Variants in PRIM2 observed in about 807,000 individuals in gnomAD.
PRIM2 encodes DNA primase subunit 2.
PRIM2 carries 39 observed loss-of-function variants against 67.3 expected under a neutral mutation model. That is an observed-to-expected ratio of 0.58 (90% CI 0.45 to 0.76). The LOEUF is 0.76. Among genes scored for constraint, PRIM2 ranks in the 30% least tolerant of loss-of-function variants. PRIM2 has a pLI of 0.00. For missense variants in PRIM2, 398 were observed against 598.7 expected (o/e 0.66, Z 3.50); for synonymous variants, 143 against 198.7 (o/e 0.72, Z 2.36).
At chr6:57,266,992 T>TA in the PRIM2 span, among the ~76,000 whole-genome samples, 10 of 152,376 alleles carry the variant, frequency 6.6e-5, no homozygotes, top group East Asian at 1.9e-3. Flanking sequence ...CTTTTACTGT[T>TA]AAAGATGTGA....
intron 7 of PRIM2, among the ~76,000 whole-genome samples, chr6:57,505,655 G>A (rs1774234827): frequency 6.6e-6 from 1 of 152,130 alleles, no homozygotes; most frequent in Non-Finnish European, 1.5e-5. Context: ...TAGGGAAGGG[G>A]CAAGAATGGC....
At chr6:57,350,777 C>T (rs1768834485) in intron 5 of PRIM2, among the ~76,000 whole-genome samples, 1 of 152,084 alleles carries the variant, frequency 6.6e-6, no homozygotes, top group African/African-American at 2.4e-5. Flanking sequence ...TTTTTCTAAC[C>T]ACAGTATAAC....
At chr6:57,497,677 A>G (rs2127412540) in intron 7 of PRIM2, 1 of 152,354 alleles carries the variant, frequency 6.6e-6, no homozygotes, top group Non-Finnish European at 1.5e-5. Flanking sequence ...TAGAGCTTAC[A>G]TATTGAAAAT....
intron 7 of PRIM2, among the ~76,000 whole-genome samples, chr6:57,414,709 A>G (rs1267958461): frequency 3.3e-5 from 5 of 152,152 alleles, no homozygotes; most frequent in African/African-American, 1.2e-4. Context: ...TTTATTGCCT[A>G]TCAGCCTGCT....
At chr6:57,306,376 G>C in the PRIM2 span, among the ~76,000 whole-genome samples, 1 of 152,118 alleles carries the variant, frequency 6.6e-6, no homozygotes, top group Non-Finnish European at 1.5e-5. Flanking sequence ...GATGAATTCT[G>C]TCTGGGAGGT....
At chr6:57,636,425 A>C (rs1582031397) in intron 13 of PRIM2, among the ~76,000 whole-genome samples, 1 of 152,114 alleles carries the variant, frequency 6.6e-6, no homozygotes. Flanking sequence ...ATACAAAAAA[A>C]CCCCTAAGTT....
intron 8 of PRIM2, among the ~76,000 whole-genome samples, chr6:57,511,539 C>T (rs1385283751): frequency 6.6e-6 from 1 of 152,180 alleles, no homozygotes; most frequent in African/African-American, 2.4e-5. Context: ...GTGGAATTAT[C>T]TCCTTAAGTA....
intron 7 of PRIM2, among the ~76,000 whole-genome samples, chr6:57,425,011 A>G (rs1771575385): frequency 6.6e-6 from 1 of 152,216 alleles, no homozygotes; most frequent in East Asian, 1.9e-4. Flanking sequence ...AAATGAATAA[A>G]TAAACATGTA....
chr6:57,605,963 TTTTG>T (rs1293172731), intron 11 of PRIM2, among the ~76,000 whole-genome samples: 2 of 152,120 alleles, frequency 1.3e-5, no homozygotes, highest in Non-Finnish European at 2.9e-5. Context: ...ATGTTTTTCA[TTTTG>T]TTTATCTATC....
chr6:57,639,111 G>A lies in PRIM2; in HGVS notation c.1300-6817G>A, dbSNP rs1365259965. ...AAGATTAAGAAACTCACTCAAAACTGCACAACTACATGGAAACTGAACAGT... is the reference window on the plus strand; with the variant it reads ...AAGATTAAGAAACTCACTCAAAACTACACAACTACATGGAAACTGAACAGT... On this transcript the variant is annotated intron_variant, in intron 13 of 13. Coordinates refer to ENST00000615550, the MANE Select transcript of PRIM2 (RefSeq NM_000947.5). Among the ~76,000 whole-genome samples the A allele has an allele frequency of 1.4e-3, 207 of 152,240 alleles. 4 individuals carry two copies. The East Asian group carries it at 0.018, about 13-fold the overall frequency.
chr6:57,364,069 A>AT (rs1769277176), intron 5 of PRIM2, among the ~76,000 whole-genome samples: 1 of 136,948 alleles, frequency 7.3e-6, no homozygotes, highest in African/African-American at 2.8e-5. Flanking sequence ...ACTGTAATTT[A>AT]TTTGTTTTTT....
At chr6:57,235,786 A>C in the PRIM2 span, among the ~76,000 whole-genome samples, 8 of 152,196 alleles carry the variant, frequency 5.3e-5, no homozygotes, top group Non-Finnish European at 1.0e-4. Flanking sequence ...GAGCCAAAAA[A>C]GTAGATGTGA....
intron 7 of PRIM2, among the ~76,000 whole-genome samples, chr6:57,473,575 A>C (rs1194930052): frequency 3.3e-5 from 5 of 152,164 alleles, no homozygotes; most frequent in Admixed American, 1.3e-4. Context: ...AGTCCTTCAT[A>C]GTGGCTTTTT....
At chr6:57,306,361 G>A in the PRIM2 span, among the ~76,000 whole-genome samples, 1 of 152,128 alleles carries the variant, frequency 6.6e-6, no homozygotes, top group Admixed American at 6.5e-5. Flanking sequence ...TGAAGCTCCA[G>A]GTAGGATGAA....
chr6:57,597,512 T>C (rs1263494052), intron 10 of PRIM2, among the ~76,000 whole-genome samples: 1 of 152,028 alleles, frequency 6.6e-6, no homozygotes, highest in Non-Finnish European at 1.5e-5. Context: ...GCAGCTAATA[T>C]TTATTGAGAA....
chr6:57,528,731 G>A (rs1168076438), intron 8 of PRIM2, among the ~76,000 whole-genome samples: 1 of 152,206 alleles, frequency 6.6e-6, no homozygotes, highest in Non-Finnish European at 1.5e-5. Context: ...CAATGGCATG[G>A]CCTAGTACTT....
chr6:57,515,193 T>C (rs1774457137), intron 8 of PRIM2, among the ~76,000 whole-genome samples: 2 of 152,186 alleles, frequency 1.3e-5, no homozygotes, highest in African/African-American at 4.8e-5. Flanking sequence ...ATCTGCATAA[T>C]AGTCAATCAA....
At chr6:57,515,376 G>A (rs1485647375) in intron 8 of PRIM2, among the ~76,000 whole-genome samples, 1 of 152,216 alleles carries the variant, frequency 6.6e-6, no homozygotes, top group African/African-American at 2.4e-5. Flanking sequence ...CAACATAGAT[G>A]TTTTCCAGCA....
At chr6:57,334,038 A>G (rs9475845) in intron 5 of PRIM2, among the ~76,000 whole-genome samples, 19,360 of 152,142 alleles carry the variant, frequency 0.13, 1,389 homozygotes, top group African/African-American at 0.18. Flanking sequence ...TGCATCCTTT[A>G]ACAGACATCT....
Sources: gnomAD v4.1 joint callset for allele counts (sites outside exome capture counted in the v4.1 genomes callset) on GRCh38, gnomAD v4.1.1 for gene constraint, MANE v1.5 for transcripts, NCBI Gene and HGNC (gene_info 2026-07-23, HGNC 2026-07-21) for gene names.